The following NID1 variants were observed in gnomAD, a reference collection of about 807,000 sequenced individuals.
NID1 encodes the protein nidogen 1.
NID1 carries 76 observed loss-of-function variants against 130.6 expected under a neutral mutation model. That is an observed-to-expected ratio of 0.58 (90% confidence interval 0.48 to 0.70). The LOEUF (loss-of-function observed/expected upper bound fraction) is 0.70. Among genes scored for constraint, NID1 ranks in the 30% least tolerant of loss-of-function variants. NID1 has a pLI of 0.00. For synonymous variants in NID1, 665 were observed against 675.1 expected, an observed-to-expected ratio of 0.98 and a Z score of 0.23; for missense variants, 1,517 against 1,664.8, an observed-to-expected ratio of 0.91 and a Z score of 1.54.
In NID1 at chr1:235,981,687, C is replaced by G; in HGVS notation, c.3151G>C (p.Asp1051His). 1 of 1,614,252 alleles carries G rather than the reference C, an allele frequency of 6.2e-7. No individual in the cohort carries two copies. Among genetic ancestry groups the G allele is most frequent in the Non-Finnish European group, 8.5e-7 (1 of 1,180,054 alleles). Residue 1051 changes from aspartate (D) to histidine (H), a missense_variant, in exon 16 of 20, where the codon GAC (aspartate) becomes CAC (histidine). Physicochemically the swap from Asp to His is moderately conservative, Grantham distance 81. Coordinates refer to ENST00000264187, the MANE Select transcript of NID1 (RefSeq NM_002508.3). The part of the protein sequence containing the change: ...NLDRIEVAKL[D>H]GTQRRVLFET... Reference sequence around the variant, plus strand: ...AAGAGCACCCGGCGCTGCGTGCCGTCCAGCTTCGCCACTTCTATTCGATCC... The same window carrying G: ...AAGAGCACCCGGCGCTGCGTGCCGTGCAGCTTCGCCACTTCTATTCGATCC...
intron 12 of NID1, among the ~76,000 whole-genome samples, chr1:235,997,908 T>G (rs1657974014): frequency 6.6e-6 from 1 of 152,014 alleles, no homozygotes; most frequent in Admixed American, 6.6e-5. Flanking sequence ...ATGCCTGGCC[T>G]CAGTTCCATT....
At chr1:235,994,700 C>CTTTTTTT (rs11397466) in intron 12 of NID1, among the ~76,000 whole-genome samples, 1 of 142,178 alleles carries the variant, frequency 7.0e-6, no homozygotes, top group Non-Finnish European at 1.5e-5. Context: ...TCTTCTTCTT[C>CTTTTTTT]TTTTTTTTTT....
intron 1 of NID1, among the ~76,000 whole-genome samples, chr1:236,063,548 T>C (rs142780819): frequency 6.6e-6 from 1 of 152,054 alleles, no homozygotes; most frequent in East Asian, 1.9e-4. Context: ...GCATAAGATG[T>C]GTGTTTTTTT....
intron 1 of NID1, among the ~76,000 whole-genome samples, chr1:236,055,409 G>T (rs1209584835): frequency 6.6e-6 from 1 of 152,110 alleles, no homozygotes; most frequent in Non-Finnish European, 1.5e-5. Context: ...ATTGGTACTT[G>T]TTGGAGCTGG....
intron 9 of NID1, among the ~76,000 whole-genome samples, chr1:236,018,858 C>T (rs955565838): frequency 1.3e-5 from 2 of 152,186 alleles, no homozygotes; most frequent in Admixed American, 6.5e-5. Context: ...TCATATGAAT[C>T]GTTGACATGT....
At chr1:236,008,318 C>T (rs1382178500) in intron 12 of NID1, among the ~76,000 whole-genome samples, 1 of 152,152 alleles carries the variant, frequency 6.6e-6, no homozygotes, top group Non-Finnish European at 1.5e-5. Context: ...TTTCAGTAGC[C>T]ATGATCTTCA....
chr1:236,043,591 G>A (rs1185559381), intron 3 of NID1, among the ~76,000 whole-genome samples: 1 of 152,108 alleles, frequency 6.6e-6, no homozygotes, highest in East Asian at 1.9e-4. Flanking sequence ...GAGGTCAGGA[G>A]ATCGAGACCA....
rs551975091 is a variant in NID1 at position 236,051,190 on chromosome 1, C to A, written c.226-2201G>T. 2.0e-5 allele frequency among the ~76,000 whole-genome samples: 3 copies of A among 152,222 alleles called. No individual in the cohort carries two copies. The South Asian group carries it at 6.2e-4, about 32-fold the overall frequency. ...GGCTGCAGATTGGAAAAACACGAAT[C>A]CAGAATAGCAACCCTCAGTTGTTAG... On this transcript the variant is annotated intron_variant, in intron 1 of 19. Coordinates refer to ENST00000264187, the MANE Select transcript of NID1 (RefSeq NM_002508.3).
chr1:236,035,740 C>T lies in NID1; in HGVS notation c.1285+2364G>A, dbSNP rs76981971. 7.2e-3 allele frequency among the ~76,000 whole-genome samples: 1,103 copies of T among 152,292 alleles called. 16 individuals carry two copies. Among genetic ancestry groups the T allele is most frequent in the African/African-American group, 0.025 (1,042 of 41,554 alleles). ...TTTCGTTGGGTTCCATACGCCCAAA[C>T]GGCTCAACAGGTTCTCTGATCAGCC... On this transcript the variant is annotated intron_variant, in intron 5 of 19. Transcript: ENST00000264187.
rs901375373 is a variant in NID1 at position 235,990,920 on chromosome 1, C to T, written c.2894G>A (p.Arg965Lys). 6.2e-7 allele frequency: 1 copy of T among 1,614,038 alleles called. No homozygotes were observed. Among genetic ancestry groups the T allele is most frequent in the Non-Finnish European group, 8.5e-7 (1 of 1,180,038 alleles). The part of the protein sequence containing the change: ...ERLPLEGNTM[R>K]KTEAKAFLHV... ...AAGGAACGCCTTTGCTTCTGTCTTCCTCATGGTATTTCCCTCCAGGGGCAG... is the reference window on the plus strand; with the variant it reads ...AAGGAACGCCTTTGCTTCTGTCTTCTTCATGGTATTTCCCTCCAGGGGCAG... Residue 965 changes from arginine to lysine, a missense_variant, in exon 14 of 20, where the codon AGG becomes AAG. Transcript: ENST00000264187.
At chr1:235,997,191 G>C (rs1462683636) in intron 12 of NID1, among the ~76,000 whole-genome samples, 1 of 152,080 alleles carries the variant, frequency 6.6e-6, no homozygotes, top group Non-Finnish European at 1.5e-5. Context: ...CTAGGGTAGG[G>C]CTCAACTGAC....
At chr1:235,989,736 G>A (rs1406008912) in intron 14 of NID1, among the ~76,000 whole-genome samples, 1 of 152,272 alleles carries the variant, frequency 6.6e-6, no homozygotes, top group Non-Finnish European at 1.5e-5. Flanking sequence ...GATCAGGACA[G>A]GCCTCTCTGA....
In NID1 at chr1:236,026,094, G is replaced by T. The variant is rs757543518; in HGVS notation, c.1786C>A (p.Arg596=). The change falls in exon 8 of 20, where the codon CGA becomes AGA. Residue 596 remains arginine, a synonymous_variant. Coordinates refer to ENST00000264187, the MANE Select transcript of NID1 (RefSeq NM_002508.3). The part of the protein sequence containing the change: ...TREYTVTEPE[R]DGASPSRIYT... ...ATGCGTGAAGGAGATGCCCCATCTC[G>T]CTCGGGCTCAGTCACCGTGTACTCC... 1.7e-5 allele frequency: 27 copies of T among 1,613,356 alleles called. No individual in the cohort carries two copies. The highest frequency in any genetic ancestry group is 2.1e-5 in the Non-Finnish European group (25 of 1,179,832).
At chr1:236,035,943 ATT>A (rs113533969) in intron 5 of NID1, among the ~76,000 whole-genome samples, 66 of 150,768 alleles carry the variant, frequency 4.4e-4, no homozygotes, top group African/African-American at 1.6e-3. Context: ...AGCTAGAAAC[ATT>A]TTTTTTTTAA....
intron 1 of NID1, among the ~76,000 whole-genome samples, chr1:236,049,492 G>T (rs1450492735): frequency 6.6e-6 from 1 of 151,842 alleles, no homozygotes; most frequent in Non-Finnish European, 1.5e-5. Flanking sequence ...AAAAGAAAAA[G>T]AAAGAAAAGA....
intron 1 of NID1, among the ~76,000 whole-genome samples, chr1:236,056,687 C>T (rs1659907532): frequency 6.6e-6 from 1 of 152,108 alleles, no homozygotes; most frequent in Admixed American, 6.6e-5. Flanking sequence ...CTACGTCCAC[C>T]CTTCATGGTC....
At chr1:236,041,175 C>T (rs1482111125) in intron 4 of NID1, among the ~76,000 whole-genome samples, 1 of 152,142 alleles carries the variant, frequency 6.6e-6, no homozygotes, top group Non-Finnish European at 1.5e-5. Context: ...TCAAGCAATC[C>T]TCCTGCCTCA....
At chr1:236,003,679 G>A (rs1658153424) in intron 12 of NID1, among the ~76,000 whole-genome samples, 1 of 152,172 alleles carries the variant, frequency 6.6e-6, no homozygotes, top group Admixed American at 6.5e-5. Context: ...AGACAAGCCT[G>A]GCAAATATGG....
In NID1 at chr1:236,048,929, G is replaced by T; in HGVS notation, c.286C>A (p.Leu96Ile). 1.9e-6 allele frequency: 3 copies of T among 1,614,190 alleles called. No individual in the cohort carries two copies. The highest frequency in any genetic ancestry group is 2.5e-6 in the Non-Finnish European group (3 of 1,180,010). The part of the protein sequence containing the change: ...EPPAKESHPG[L>I]FPPTFGAVAP... ...ACTGCACCGAATGTTGGTGGGAAGA[G>T]CCCGGGATGGGATTCTTTGGCCGGG... is the stretch of plus-strand genomic sequence containing the variant. The change falls in exon 2 of 20, where the codon CTC becomes ATC. Residue 96 changes from leucine to isoleucine, a missense_variant. Leu to Ile is a conservative substitution (Grantham distance 5). This residue lies in a region of NID1 where 1,329 missense variants were observed against 1,429.2 expected (regional missense o/e 0.93). Transcript: ENST00000264187.
Sources: gnomAD v4.1 joint callset for allele counts (sites outside exome capture counted in the v4.1 genomes callset) on GRCh38, gnomAD v4.1.1 for gene constraint, gnomAD v4.1.1 regional missense constraint, MANE v1.5 for transcripts, NCBI Gene and HGNC (gene_info 2026-07-23, HGNC 2026-07-21) for gene names.